Variants in PCNT observed in about 807,000 individuals in gnomAD.
The protein encoded by PCNT is pericentrin.
Under a neutral mutation model 380.4 loss-of-function variants are expected in PCNT, and 319 were observed. That is an observed-to-expected ratio of 0.84 (90% CI 0.77 to 0.92). The LOEUF is 0.92. Ranked by LOEUF, PCNT falls within the 40% of genes least tolerant of loss-of-function variation. PCNT has a pLI of 0.00. For missense variants in PCNT, 4,400 were observed against 4,255.3 expected, an observed-to-expected ratio of 1.03 and a Z score of -0.95; for synonymous variants, 1,845 against 1,735.2, an observed-to-expected ratio of 1.06 and a Z score of -1.57.
At chr21:46,336,787 A>G (rs2083749821) in intron 3 of PCNT, among the ~76,000 whole-genome samples, 1 of 152,042 alleles carries the variant, frequency 6.6e-6, no homozygotes, top group Non-Finnish European at 1.5e-5. Flanking sequence ...TCATAGCTGT[A>G]TTTATGTTCA....
chr21:46,357,505 G>A (rs1474153933), intron 13 of PCNT, among the ~76,000 whole-genome samples: 2 of 152,312 alleles, frequency 1.3e-5, no homozygotes, highest in Non-Finnish European at 2.9e-5. Context: ...GCAGTGGCAT[G>A]GTCTCAGCTC....
At position 46,348,557 on chromosome 21, in the gene PCNT, CA is replaced by C. The variant is rs1404310465; in HGVS notation, c.1033-454del. Among the ~76,000 whole-genome samples the C allele has an allele frequency of 5.9e-5, 9 of 152,280 alleles. No individual in the cohort carries two copies. The East Asian group carries it at 1.7e-3, about 29-fold the overall frequency. On this transcript the variant is annotated intron_variant, in intron 6 of 46. Transcript: ENST00000359568. The stretch of plus-strand genomic sequence containing the variant: ...TCTGCTTTTCTGTCCTGCCAGCATT[CA>C]GGGGAGAGACTGGGTGTAAGGCCTG...
intron 34 of PCNT, 69 bp from the exon 35 acceptor site, chr21:46,428,326 G>A (rs1416665810): frequency 2.5e-5 from 35 of 1,426,610 alleles, no homozygotes; most frequent in Non-Finnish European, 9.8e-7. Context: ...TTGAGGGCGG[G>A]CAGCAGGGAA....
Position 46,366,996 on chromosome 21 carries a change from C to T in PCNT, c.3022C>T (p.His1008Tyr). ...ACAACTGTGGAAAAAGGACTCTCTTCACCAAACGATTTTGACTCAAGAGTT... is the reference window on the plus strand; with the variant it reads ...ACAACTGTGGAAAAAGGACTCTCTTTACCAAACGATTTTGACTCAAGAGTT... ...EEQLWKKDSL[H>Y]QTILTQELEK... The change falls in exon 15 of 47, where the codon CAC (histidine) becomes TAC (tyrosine). Residue 1008 changes from histidine to tyrosine, a missense_variant. His to Tyr is a moderately conservative substitution (Grantham distance 83). Transcript: ENST00000359568. 1 of 1,614,212 alleles carries T rather than the reference C, an allele frequency of 6.2e-7. No individual in the cohort carries two copies. The highest frequency in any genetic ancestry group is 1.1e-5 in the South Asian group (1 of 91,086).
Position 46,351,553 on chromosome 21 carries a change from A to G in PCNT, c.1456+13A>G, listed in dbSNP as rs772803997. 1.4e-6 allele frequency: 2 copies of G among 1,453,140 alleles called. No homozygotes were observed. The highest frequency in any genetic ancestry group is 3.3e-5 in the Admixed American group (2 of 59,822). The allele number at this position is 1,453,140 out of a possible 1,614,324, so 90.0% of individuals were successfully genotyped here. On this transcript the variant is annotated intron_variant, in intron 9 of 46. Coordinates refer to ENST00000359568, the MANE Select transcript of PCNT (RefSeq NM_006031.6). Reference sequence around the variant, plus strand: ...CAGGAATTGAGTGGTGAGGAATTGTATTGGAAAATTCAGATCCTCAAAAGC... The same window carrying G: ...CAGGAATTGAGTGGTGAGGAATTGTGTTGGAAAATTCAGATCCTCAAAAGC...
chr21:46,409,468 G>A (rs559624666), intron 27 of PCNT, among the ~76,000 whole-genome samples: 1 of 152,194 alleles, frequency 6.6e-6, no homozygotes, highest in East Asian at 1.9e-4. Context: ...GATTACAGGC[G>A]TGAGCCACTG....
Position 46,334,623 on chromosome 21 carries a change from C to T in PCNT, c.494C>T (p.Pro165Leu). 6.2e-7 allele frequency: 1 copy of T among 1,605,968 alleles called. No individual in the cohort carries two copies. The highest frequency in any genetic ancestry group is 8.5e-7 in the Non-Finnish European group (1 of 1,174,588). The change falls in exon 3 of 47, where the codon CCA (proline) becomes CTA (leucine). Residue 165 changes from proline to leucine, a missense_variant. Coordinates refer to ENST00000359568, the MANE Select transcript of PCNT (RefSeq NM_006031.6). Reference sequence around the variant, plus strand: ...GGGATGTTCACAGTCAGTGACCACCCACCAGAACAGCGTGGGATGTTCACA... The same window carrying T: ...GGGATGTTCACAGTCAGTGACCACCTACCAGAACAGCGTGGGATGTTCACA... ...QHGMFTVSDH[P>L]PEQRGMFTIS...
At position 46,427,658 on chromosome 21, in the gene PCNT, C is replaced by CT; in HGVS notation, c.7359dup (p.Leu2454SerfsTer9). 6.2e-7 allele frequency: 1 copy of CT among 1,613,972 alleles called. No homozygotes were observed. The highest frequency in any genetic ancestry group is 8.5e-7 in the Non-Finnish European group (1 of 1,180,028). The stretch of plus-strand genomic sequence containing the variant: ...CGCGTGCCCCGATTGGAGAGGGGAC[C>CT]TTCTGCAGGTTGTGCAAGAGGCCTT... On this transcript the variant is annotated frameshift_variant, in exon 34 of 47. Coordinates refer to ENST00000359568, the MANE Select transcript of PCNT (RefSeq NM_006031.6). LOFTEE classifies it high-confidence loss of function.
Position 46,411,397 on chromosome 21 carries a change from T to C in PCNT, c.5324T>C (p.Leu1775Pro). The C allele has an allele frequency of 6.2e-7, 1 of 1,613,748 alleles. No individual in the cohort carries two copies. Among genetic ancestry groups the C allele is most frequent in the Non-Finnish European group, 8.5e-7 (1 of 1,179,998 alleles). ...CAGGCTGGCAGTCTGCAGAGCGAGC[T>C]GCTCTGCTCCCAGGCCGGGGGCCCT... ...DSQAGSLQSE[L>P]LCSQAGGPRG... The change falls in exon 28 of 47, where the codon CTG (leucine) becomes CCG (proline). Residue 1775 changes from leucine to proline, a missense_variant. By Grantham distance (98) the Leu-to-Pro change is moderately conservative. Coordinates refer to ENST00000359568, the MANE Select transcript of PCNT (RefSeq NM_006031.6).
Position 46,412,942 on chromosome 21 carries a change from C to CTGCTT in PCNT, c.6104_6105insTTGCT (p.Leu2036CysfsTer4). 1 of 1,611,730 alleles carries CTGCTT rather than the reference C, an allele frequency of 6.2e-7. No homozygotes were observed. Among genetic ancestry groups the CTGCTT allele is most frequent in the Non-Finnish European group, 8.5e-7 (1 of 1,179,948 alleles). ...CTGCCAGAGGCAGCTGCAGTCGGAG[C>CTGCTT]TGCTCTTGGTGAAAAATGAAATGCG... On this transcript the variant is annotated frameshift_variant, in exon 29 of 47. Transcript: ENST00000359568. LOFTEE classifies it high-confidence loss of function.
chr21:46,351,565 A>G (rs1276149574), intron 9 of PCNT, 25 bp downstream of exon 9: 1 of 1,303,668 alleles, frequency 7.7e-7, no homozygotes, highest in Admixed American at 1.7e-5. Flanking sequence ...TGGAAAATTC[A>G]GATCCTCAAA....
chr21:46,346,268 A>G (rs2084063558), intron 4 of PCNT, 60 bp downstream of exon 4: 16 of 776,056 alleles, frequency 2.1e-5, no homozygotes, highest in South Asian at 9.5e-5. Context: ...CACAGGGCAC[A>G]GTGGGCATCC....
intron 9 of PCNT, 138 bp downstream of exon 9, chr21:46,351,678 G>A (rs1474560644): frequency 2.5e-5 from 18 of 707,186 alleles, no homozygotes; most frequent in South Asian, 2.0e-4. Flanking sequence ...CCTGAAGGTT[G>A]AGGTGTCTGG....
At chr21:46,334,832 TCCAAA>T in intron 3 of PCNT, 64 bp downstream of exon 3, 1 of 1,612,404 alleles carries the variant, frequency 6.2e-7, no homozygotes, top group Non-Finnish European at 8.5e-7. Context: ...GTTGTAGAAA[TCCAAA>T]CCAGTGAGAG....
In PCNT at chr21:46,402,458, T is replaced by C; in HGVS notation, c.5090T>C (p.Leu1697Pro). ...NSQTAVSLRE[L>P]EEENTSLKVI... ...CAGACTGCTGTCAGCCTCAGAGAAC[T>C]TGAGGAAGAGAACACGAGCTTGAAG... Residue 1697 changes from leucine (L) to proline (P), a missense_variant, in exon 27 of 47, where the codon CTT becomes CCT. Transcript: ENST00000359568. 6.2e-7 allele frequency: 1 copy of C among 1,613,970 alleles called. No homozygotes were observed. The highest frequency in any genetic ancestry group is 8.5e-7 in the Non-Finnish European group (1 of 1,179,912).
rs528174603 is a variant in PCNT at position 46,354,055 on chromosome 21, C to T, written c.1748C>T (p.Pro583Leu). ...AAAGATCACGTTGATGAACTCGAGCCTGAGCGACATAAGGTAATTGGCCGC... is the reference window on the plus strand; with the variant it reads ...AAAGATCACGTTGATGAACTCGAGCTTGAGCGACATAAGGTAATTGGCCGC... ...GRKDHVDELE[P>L]ERHKESLPRF... Residue 583 changes from proline to leucine, a missense_variant, in exon 11 of 47, where the codon CCT becomes CTT. Transcript: ENST00000359568. 6.2e-7 allele frequency: 1 copy of T among 1,614,082 alleles called. No individual in the cohort carries two copies. The highest frequency in any genetic ancestry group is 8.5e-7 in the Non-Finnish European group (1 of 1,179,938).
rs114588443 is a variant in PCNT at position 46,428,382 on chromosome 21, A to G, written c.7495-13A>G. The G allele has an allele frequency of 4.5e-4, 720 of 1,610,890 alleles. 2 individuals are homozygous for G. In the African/African-American group the frequency reaches 8.5e-3, roughly 19 times the overall value. ...GCCCAATGCTCAGGCTGCTTGTCCC[A>G]TTGTGCCCCCAGGGAGACCTGCAGG... On this transcript the variant is annotated splice_polypyrimidine_tract_variant and intron_variant, in intron 34 of 46. Transcript: ENST00000359568.
intron 41 of PCNT, among the ~76,000 whole-genome samples, chr21:46,439,519 C>T (rs928513147): frequency 1.3e-5 from 2 of 152,216 alleles, no homozygotes; most frequent in African/African-American, 4.8e-5. Flanking sequence ...CTTAAGTCAT[C>T]TCTAAGATCA....
rs1309865579 is a variant in PCNT, at chr21:46,428,610, C to A, written c.7690+20C>A. The A allele has an allele frequency of 4.4e-6, 7 of 1,577,738 alleles. No individual in the cohort carries two copies. Among genetic ancestry groups the A allele is most frequent in the Non-Finnish European group, 6.0e-6 (7 of 1,168,746 alleles). ...GGCAGGGTGGGTGTCACTGTCTACA[C>A]TGCCTGGGGCCCGGCCTCTGCACCT... On this transcript the variant is annotated intron_variant, in intron 35 of 46. Coordinates refer to ENST00000359568, the MANE Select transcript of PCNT (RefSeq NM_006031.6).
Sources: gnomAD v4.1 joint callset for allele counts (sites outside exome capture counted in the v4.1 genomes callset) on GRCh38, gnomAD v4.1.1 for gene constraint, MANE v1.5 for transcripts, NCBI Gene and HGNC (gene_info 2026-07-23, HGNC 2026-07-21) for gene names.